Variants in RBM6 observed in about 807,000 individuals in gnomAD.
RBM6 encodes RNA-binding protein 6.
In RBM6, 23 loss-of-function variants were observed where a neutral mutation model predicts 140.4. The observed-to-expected ratio is 0.16, with a 90% CI of 0.12 to 0.23. The LOEUF is 0.23. Among genes scored for constraint, RBM6 ranks in the 10% least tolerant of loss-of-function variants. The probability of loss-of-function intolerance (pLI) is 1.00; values close to 1 mark genes in which losing one functional copy is unlikely to be tolerated. For missense variants in RBM6, 1,139 were observed against 1,386.7 expected, an observed-to-expected ratio of 0.82 and a Z score of 2.84; for synonymous variants, 439 against 475.6, an observed-to-expected ratio of 0.92 and a Z score of 1.00.
rs749033849 is a variant in RBM6 at position 49,968,318 on chromosome 3, C to T, written c.893C>T (p.Pro298Leu). The change falls in exon 3 of 21, where the codon CCC (proline) becomes CTC (leucine). Residue 298 changes from proline (P) to leucine (L), a missense_variant. Physicochemically the swap from Pro to Leu is moderately conservative, Grantham distance 98. Coordinates refer to ENST00000266022, the MANE Select transcript of RBM6 (RefSeq NM_005777.3). ...VDPNILDYIQ[P>L]STQDREHSGM... is the part of the protein sequence containing the mutation. ...CCAAATATTTTGGATTACATTCAGC[C>T]CTCTACACAAGATAGAGAACATTCT... is the stretch of plus-strand genomic sequence containing the variant. The T allele has an allele frequency of 3.7e-6, 6 of 1,613,902 alleles. No individual in the cohort carries two copies. In the South Asian group the frequency reaches 6.6e-5, roughly 18 times the overall value.
chr3:50,002,687 G>A (rs975042168), intron 6 of RBM6, among the ~76,000 whole-genome samples: 10 of 152,152 alleles, frequency 6.6e-5, no homozygotes, highest in African/African-American at 1.2e-4. Context: ...ACGAGTCACC[G>A]TGCCTGGCCT....
In RBM6 at chr3:50,054,379, C is replaced by T; in HGVS notation, c.1677C>T (p.Cys559=). Residue 559 remains cysteine, a synonymous_variant, in exon 8 of 21, where the codon TGC becomes TGT. Transcript: ENST00000266022. ...IGGHRSSCSF[C]KNPREVTEAK... ...GGCACCGATCTTCCTGTTCATTCTGCAAGAACCCAAGAGAAGGTGAGTGGC... is the reference window on the plus strand; with the variant it reads ...GGCACCGATCTTCCTGTTCATTCTGTAAGAACCCAAGAGAAGGTGAGTGGC... The T allele has an allele frequency of 6.2e-7, 1 of 1,612,670 alleles. No individual in the cohort carries two copies.
chr3:50,031,728 A>T (rs1197249436), intron 6 of RBM6, among the ~76,000 whole-genome samples: 1 of 151,544 alleles, frequency 6.6e-6, no homozygotes, highest in African/African-American at 2.4e-5. Flanking sequence ...CTTAAAGTAT[A>T]AAAAAAAAGA....
rs10663019 is a variant in RBM6, at chr3:50,061,560, CTTTTTTTT to C, written c.2439+30_2439+37del. On this transcript the variant is annotated intron_variant, in intron 14 of 20. Coordinates refer to ENST00000266022, the MANE Select transcript of RBM6 (RefSeq NM_005777.3). Reference sequence around the variant, plus strand: ...CCCCAATACCCAGGTGAGTTTGGGGCTTTTTTTTTTTTTTTTTTTTTTTTACCTCTGTC... The same window carrying C: ...CCCCAATACCCAGGTGAGTTTGGGGCTTTTTTTTTTTTTTTTACCTCTGTC... 112 of 1,269,980 alleles carry C rather than the reference CTTTTTTTT, an allele frequency of 8.8e-5. No homozygotes were observed. The highest frequency in any genetic ancestry group is 1.9e-4 in the Admixed American group (4 of 21,340). The allele number at this position is 1,269,980 out of a possible 1,614,324, so 78.7% of individuals were successfully genotyped here. A position where few individuals can be genotyped will look rare whatever the true frequency, so the allele number is the denominator to read the frequency against.
chr3:50,026,732 TGA>T (rs2087848351), intron 6 of RBM6, among the ~76,000 whole-genome samples: 1 of 151,314 alleles, frequency 6.6e-6, no homozygotes, highest in Non-Finnish European at 1.5e-5. Flanking sequence ...ACTAACATGG[TGA>T]ATCCCCATAT....
At chr3:49,984,147 A>T (rs1401585935) in intron 5 of RBM6, among the ~76,000 whole-genome samples, 2 of 152,138 alleles carry the variant, frequency 1.3e-5, no homozygotes, top group Non-Finnish European at 2.9e-5. Context: ...TACAAAAAAA[A>T]TTAGCTGGAT....
intron 5 of RBM6, among the ~76,000 whole-genome samples, chr3:49,985,890 G>A (rs2085533569): frequency 6.6e-6 from 1 of 152,152 alleles, no homozygotes; most frequent in Admixed American, 6.5e-5. Flanking sequence ...ACAGGCGTGA[G>A]CCACCATGCC....
chr3:50,045,481 C>G (rs2526747), intron 6 of RBM6, among the ~76,000 whole-genome samples: 99,394 of 152,076 alleles, frequency 0.65, 33,103 homozygotes, highest in East Asian at 0.88. Context: ...ACCAGATACT[C>G]TTTGTTGCTG....
At chr3:50,053,527 G>A (rs1307070323) in intron 7 of RBM6, among the ~76,000 whole-genome samples, 4 of 149,584 alleles carry the variant, frequency 2.7e-5, no homozygotes, top group African/African-American at 5.0e-5. Flanking sequence ...GTGAAACTCC[G>A]TCTCAAAAGA....
At chr3:50,012,130 G>T (rs187511613) in intron 6 of RBM6, among the ~76,000 whole-genome samples, 1 of 152,250 alleles carries the variant, frequency 6.6e-6, no homozygotes, top group African/African-American at 2.4e-5. Flanking sequence ...GGGATTACAG[G>T]TGTGAACCAT....
chr3:50,047,372 A>C (rs2089271725), intron 6 of RBM6: 1 of 979,920 alleles, frequency 1.0e-6, no homozygotes, highest in Admixed American at 6.2e-5. Context: ...GTCAGTAGGC[A>C]GAGAATTTTT....
At chr3:50,025,944 A>G (rs1454804661) in intron 6 of RBM6, among the ~76,000 whole-genome samples, 1 of 152,118 alleles carries the variant, frequency 6.6e-6, no homozygotes, top group Non-Finnish European at 1.5e-5. Context: ...AAATACAAAA[A>G]TTAGCTGGGT....
intron 6 of RBM6, among the ~76,000 whole-genome samples, chr3:50,010,265 T>A (rs2086779785): frequency 6.6e-6 from 1 of 152,182 alleles, no homozygotes; most frequent in Non-Finnish European, 1.5e-5. Context: ...ATTACCAAAA[T>A]CTGTGGTCAA....
intron 10 of RBM6, 146 bp from the exon 11 acceptor site, chr3:50,059,503 C>G (rs1329293200): frequency 1.7e-6 from 1 of 595,762 alleles, no homozygotes; most frequent in Non-Finnish European, 2.9e-6. Flanking sequence ...TATGCTCTTA[C>G]TGTTAAAATT....
intron 5 of RBM6, 69 bp downstream of exon 5, chr3:49,975,461 T>A (rs1443370004): frequency 7.6e-7 from 1 of 1,307,982 alleles, no homozygotes; most frequent in Non-Finnish European, 1.1e-6. Flanking sequence ...CATCATGTGC[T>A]ACTTAAAATT....
At chr3:49,957,696 G>A (rs1475901173) in intron 1 of RBM6, among the ~76,000 whole-genome samples, 2 of 151,996 alleles carry the variant, frequency 1.3e-5, no homozygotes, top group African/African-American at 4.8e-5. Context: ...CGTATCTCAG[G>A]AACCTAGATT....
At chr3:50,005,654 G>C (rs575842023) in intron 6 of RBM6, among the ~76,000 whole-genome samples, 1 of 152,176 alleles carries the variant, frequency 6.6e-6, no homozygotes. Flanking sequence ...TACTTAAATT[G>C]TGTGCATTCC....
intron 6 of RBM6, among the ~76,000 whole-genome samples, chr3:50,005,224 T>C (rs2086518521): frequency 6.6e-6 from 1 of 151,580 alleles, no homozygotes; most frequent in Non-Finnish European, 1.5e-5. Flanking sequence ...AAGCCAGGTG[T>C]GATGGCTCAC....
At chr3:50,048,609 T>C (rs1277576729) in intron 7 of RBM6, among the ~76,000 whole-genome samples, 4 of 152,122 alleles carry the variant, frequency 2.6e-5, no homozygotes, top group African/African-American at 9.7e-5. Flanking sequence ...ACATATAATA[T>C]CTTCTCACCT....
Sources: gnomAD v4.1 joint callset for allele counts (sites outside exome capture counted in the v4.1 genomes callset) on GRCh38, gnomAD v4.1.1 for gene constraint, MANE v1.5 for transcripts, NCBI Gene and HGNC (gene_info 2026-07-23, HGNC 2026-07-21) for gene names.